The following VSIG10 variants were observed in gnomAD, a reference collection of about 807,000 sequenced individuals.
VSIG10 encodes V-set and immunoglobulin domain containing 10.
In VSIG10, 48 loss-of-function variants were observed where a neutral mutation model predicts 58.7. That is an observed-to-expected ratio of 0.82 (90% CI 0.65 to 1.04). VSIG10 has a LOEUF of 1.04. Ranked by LOEUF, VSIG10 falls within the 50% of genes least tolerant of loss-of-function variation. The pLI, the probability that VSIG10 is intolerant of heterozygous loss-of-function variation, is 0.00. For missense variants in VSIG10, 628 were observed against 670.0 expected (o/e 0.94, Z 0.69); for synonymous variants, 260 against 267.1 (o/e 0.97, Z 0.26).
chr12:118,064,537 G>A lies in VSIG10; in HGVS notation c.*2102C>T, dbSNP rs1321386274. The A allele has an allele frequency of 6.6e-6, 1 of 151,186 alleles. No homozygotes were observed. The highest frequency in any genetic ancestry group is 1.5e-5 in the Non-Finnish European group (1 of 67,960). 9.4% of individuals were successfully genotyped at this position (151,186 alleles called of 1,614,324 possible). A position where few individuals can be genotyped will look rare whatever the true frequency, so the allele number is the denominator to read the frequency against. On this transcript the variant is annotated 3_prime_UTR_variant, in exon 9 of 9. Coordinates refer to ENST00000359236, the MANE Select transcript of VSIG10 (RefSeq NM_019086.6). ...TCAATTCTGGAATTTGGTTGCCGAA[G>A]ACTCTAAAGGAGAGACTCACTCAGT... is the stretch of plus-strand genomic sequence containing the variant.
chr12:118,095,746 G>C lies in VSIG10; in HGVS notation c.148C>G (p.Leu50Val). ...CGGTACCAGGTCACCTGGCCCCTCA[G>C]TCCCGAGATGTTGCCACAGTGCAGA... ...VTLHCGNISGLRGQVTWYRNN... is the reference protein window; with the variant it reads ...VTLHCGNISGVRGQVTWYRNN... The change falls in exon 2 of 9, where the codon CTG becomes GTG. Residue 50 changes from leucine (L) to valine (V), a missense_variant. Leu to Val is a conservative substitution (Grantham distance 32). Transcript: ENST00000359236. 6.2e-7 allele frequency: 1 copy of C among 1,613,570 alleles called. No individual in the cohort carries two copies. The highest frequency in any genetic ancestry group is 8.5e-7 in the Non-Finnish European group (1 of 1,179,718).
chr12:118,067,539 C>G (rs576706341), intron 8 of VSIG10, among the ~76,000 whole-genome samples: 4 of 150,562 alleles, frequency 2.7e-5, no homozygotes, highest in South Asian at 4.2e-4. Flanking sequence ...TCTCGGCTCA[C>G]TGCAGCCTCC....
At chr12:118,079,289 C>T in intron 4 of VSIG10, 57 bp downstream of exon 4, 1 of 1,590,242 alleles carries the variant, frequency 6.3e-7, no homozygotes, top group Non-Finnish European at 8.6e-7. Context: ...AATGCTTCTC[C>T]TAGGAGAAAG....
intron 3 of VSIG10, 64 bp downstream of exon 3, chr12:118,082,063 G>A: frequency 5.0e-6 from 7 of 1,406,120 alleles, no homozygotes; most frequent in Non-Finnish European, 6.8e-6. Context: ...GCACAAACGT[G>A]CAGTTCATAA....
intron 5 of VSIG10, among the ~76,000 whole-genome samples, chr12:118,072,389 C>G (rs997566385): frequency 2.0e-5 from 3 of 150,840 alleles, no homozygotes; most frequent in Non-Finnish European, 3.0e-5. Flanking sequence ...GGCATGAACC[C>G]AGGAGGTGGA....
intron 3 of VSIG10, 35 bp downstream of exon 3, chr12:118,082,092 G>GGAAGAA (rs761586391): frequency 1.1e-4 from 168 of 1,598,426 alleles, no homozygotes; most frequent in Non-Finnish European, 1.4e-4. Flanking sequence ...AGGGTTAAGG[G>GGAAGAA]GAAGAAGCGG....
At chr12:118,074,281 A>G (rs2032623329) in intron 4 of VSIG10, among the ~76,000 whole-genome samples, 1 of 151,780 alleles carries the variant, frequency 6.6e-6, no homozygotes, top group African/African-American at 2.4e-5. Flanking sequence ...ACAGGGTTTC[A>G]CCATGTTGCC....
intron 4 of VSIG10, among the ~76,000 whole-genome samples, chr12:118,074,384 C>T (rs532399594): frequency 2.0e-5 from 3 of 150,006 alleles, no homozygotes; most frequent in Non-Finnish European, 4.5e-5. Flanking sequence ...GCATCCGGCC[C>T]CAGTCCCCTT....
chr12:118,077,091 T>C (rs930533323), intron 4 of VSIG10, among the ~76,000 whole-genome samples: 1 of 152,194 alleles, frequency 6.6e-6, no homozygotes, highest in Non-Finnish European at 1.5e-5. Flanking sequence ...GTATTAGGGT[T>C]TGGACTTGAA....
intron 2 of VSIG10, among the ~76,000 whole-genome samples, chr12:118,086,888 G>A (rs2033142504): frequency 6.6e-6 from 1 of 152,124 alleles, no homozygotes; most frequent in Non-Finnish European, 1.5e-5. Flanking sequence ...AGCCTCCTGA[G>A]TAGCTGAGAT....
At position 118,068,459 on chromosome 12, in the gene VSIG10, A is replaced by C; in HGVS notation, c.1485T>G (p.Pro495=). ...REREELPKEI[P]KQDHIHRVTA... is the part of the protein sequence containing the mutation. ...TCACTCTGTGAATGTGGTCCTGCTT[A>C]GGTATTTCTTTTGGCAACTCCTCTC... Residue 495 remains proline (P), a synonymous_variant, in exon 8 of 9, where the codon CCT becomes CCG. Coordinates refer to ENST00000359236, the MANE Select transcript of VSIG10 (RefSeq NM_019086.6). 6.2e-7 allele frequency: 1 copy of C among 1,613,736 alleles called. No homozygotes were observed. Among genetic ancestry groups the C allele is most frequent in the South Asian group, 1.1e-5 (1 of 91,062 alleles).
intron 7 of VSIG10, among the ~76,000 whole-genome samples, chr12:118,070,495 C>T (rs576912041): frequency 1.0e-4 from 15 of 143,360 alleles, no homozygotes; most frequent in African/African-American, 3.9e-4. Flanking sequence ...TTGCAGTGAG[C>T]TGAGACTGCA....
intron 1 of VSIG10, chr12:118,101,840 T>C (rs2033630501): frequency 6.6e-6 from 1 of 152,140 alleles, no homozygotes; most frequent in Non-Finnish European, 1.5e-5. Flanking sequence ...GGCATCAAAA[T>C]AGCTGGGCAA....
At chr12:118,086,706 G>A (rs2137916330) in intron 2 of VSIG10, among the ~76,000 whole-genome samples, 1 of 152,230 alleles carries the variant, frequency 6.6e-6, no homozygotes, top group South Asian at 2.1e-4. Context: ...ACCAGCCTGA[G>A]CAACATAATG....
intron 1 of VSIG10, 77 bp from the exon 2 acceptor site, chr12:118,095,891 A>G: frequency 6.1e-6 from 7 of 1,155,960 alleles, no homozygotes; most frequent in Non-Finnish European, 7.1e-6. Flanking sequence ...GTACTCCTGT[A>G]TTAGGATTTT....
chr12:118,068,505 T>TC lies in VSIG10; in HGVS notation c.1438dup (p.Glu480GlyfsTer7), dbSNP rs2032349390. On this transcript the variant is annotated frameshift_variant, in exon 8 of 9. Coordinates refer to ENST00000359236, the MANE Select transcript of VSIG10 (RefSeq NM_019086.6). LOFTEE classifies it high-confidence loss of function. ...CTCTCTCTCACGTGCTCCCTCCTGT[T>TC]CCCCTACTGCAGCATCTTCCTCCTC... 4 of 1,610,898 alleles carry TC rather than the reference T, an allele frequency of 2.5e-6. No homozygotes were observed. Among genetic ancestry groups the TC allele is most frequent in the Non-Finnish European group, 3.4e-6 (4 of 1,179,422 alleles).
intron 2 of VSIG10, among the ~76,000 whole-genome samples, chr12:118,086,405 C>A (rs1383316646): frequency 3.3e-5 from 5 of 151,840 alleles, no homozygotes; most frequent in African/African-American, 1.2e-4. Context: ...GAGGCAGAGG[C>A]TGCCATGAGC....
At chr12:118,095,841 C>T (rs2033434990) in intron 1 of VSIG10, 27 bp from the exon 2 acceptor site, 1 of 1,580,376 alleles carries the variant, frequency 6.3e-7, no homozygotes, top group Non-Finnish European at 8.6e-7. Context: ...CAGGCTGTTA[C>T]TACCCTTCTT....
At chr12:118,067,275 T>C (rs1011782119) in intron 8 of VSIG10, among the ~76,000 whole-genome samples, 4 of 152,242 alleles carry the variant, frequency 2.6e-5, no homozygotes, top group Admixed American at 2.6e-4. Flanking sequence ...CCACCCACTT[T>C]GGCCTCCCAA....
Sources: gnomAD v4.1 joint callset for allele counts (sites outside exome capture counted in the v4.1 genomes callset) on GRCh38, gnomAD v4.1.1 for gene constraint, MANE v1.5 for transcripts, NCBI Gene and HGNC (gene_info 2026-07-23, HGNC 2026-07-21) for gene names.